PPP1R14C: variants seen among roughly 807,000 people sequenced by gnomAD.
PPP1R14C encodes protein phosphatase 1 regulatory subunit 14C.
PPP1R14C carries 16 observed loss-of-function variants against 20.4 expected under a neutral mutation model. That is an observed-to-expected ratio of 0.78 (90% CI 0.53 to 1.19). PPP1R14C has a LOEUF of 1.19. Ranked by LOEUF, PPP1R14C falls within the 50% of genes most tolerant of loss-of-function variation. PPP1R14C has a pLI of 0.00. For missense variants in PPP1R14C, 211 were observed against 220.1 expected (o/e 0.96, Z 0.26); for synonymous variants, 91 against 91.0 (o/e 1.00, Z 0.00).
chr6:150,211,515 T>C (rs1200593027), intron 1 of PPP1R14C, among the ~76,000 whole-genome samples: 3 of 152,218 alleles, frequency 2.0e-5, no homozygotes, highest in Admixed American at 6.5e-5. Context: ...TGGTGGGCCA[T>C]GGGCATGTTC....
chr6:150,200,337 C>T (rs1487292477), intron 1 of PPP1R14C, among the ~76,000 whole-genome samples: 1 of 152,070 alleles, frequency 6.6e-6, no homozygotes, highest in Non-Finnish European at 1.5e-5. Flanking sequence ...TGGCAGTAGT[C>T]TCGGCTACCC....
intron 3 of PPP1R14C, among the ~76,000 whole-genome samples, chr6:150,221,176 CT>C (rs920975343): frequency 6.6e-6 from 1 of 152,188 alleles, no homozygotes; most frequent in African/African-American, 2.4e-5. Context: ...CAATTAATAG[CT>C]TATATTTTTC....
chr6:150,215,854 C>T (rs983942756), intron 2 of PPP1R14C, among the ~76,000 whole-genome samples: 13 of 152,280 alleles, frequency 8.5e-5, no homozygotes, highest in African/African-American at 2.9e-4. Context: ...ACTTAAACCC[C>T]TTGCTTCCTG....
chr6:150,149,441 T>C (rs1010420714), intron 1 of PPP1R14C, among the ~76,000 whole-genome samples: 4 of 137,400 alleles, frequency 2.9e-5, no homozygotes, highest in African/African-American at 1.1e-4. Flanking sequence ...TCCTCCCACC[T>C]AATTTTTTTT....
At chr6:150,176,766 C>T (rs748280123) in intron 1 of PPP1R14C, among the ~76,000 whole-genome samples, 13 of 152,206 alleles carry the variant, frequency 8.5e-5, no homozygotes, top group South Asian at 4.1e-4. Flanking sequence ...AGTGTCCTGC[C>T]GTGGCTGCAG....
At chr6:150,167,538 C>CT (rs1436762730) in intron 1 of PPP1R14C, among the ~76,000 whole-genome samples, 1 of 152,106 alleles carries the variant, frequency 6.6e-6, no homozygotes, top group Non-Finnish European at 1.5e-5. Context: ...TGGTTTTCTG[C>CT]TTTTTTAGTT....
intron 1 of PPP1R14C, among the ~76,000 whole-genome samples, chr6:150,212,233 A>G (rs1322961770): frequency 6.6e-6 from 1 of 152,260 alleles, no homozygotes; most frequent in Non-Finnish European, 1.5e-5. Context: ...TGCCTCGTGT[A>G]GCTATTGAGC....
chr6:150,229,829 C>T (rs1562275299), intron 3 of PPP1R14C, among the ~76,000 whole-genome samples: 1 of 152,086 alleles, frequency 6.6e-6, no homozygotes, highest in Non-Finnish European at 1.5e-5. Context: ...AGTTCTGGTG[C>T]GCCATGCCAG....
At chr6:150,191,940 G>A (rs539615876) in intron 1 of PPP1R14C, among the ~76,000 whole-genome samples, 1 of 152,054 alleles carries the variant, frequency 6.6e-6, no homozygotes, top group African/African-American at 2.4e-5. Flanking sequence ...AAAGAAGAGG[G>A]TTCCAGGTAC....
intron 3 of PPP1R14C, among the ~76,000 whole-genome samples, chr6:150,229,772 C>T (rs1778271915): frequency 6.6e-6 from 1 of 152,072 alleles, no homozygotes; most frequent in Non-Finnish European, 1.5e-5. Flanking sequence ...AAACCCTTAC[C>T]CATAACAGAT....
intron 3 of PPP1R14C, among the ~76,000 whole-genome samples, chr6:150,237,595 C>G (rs1012761267): frequency 6.6e-6 from 1 of 152,208 alleles, no homozygotes; most frequent in Non-Finnish European, 1.5e-5. Flanking sequence ...GTATCAAGCA[C>G]TTGTACAGCA....
At chr6:150,149,272 C>T (rs1191383874) in intron 1 of PPP1R14C, among the ~76,000 whole-genome samples, 1 of 150,634 alleles carries the variant, frequency 6.6e-6, no homozygotes, top group African/African-American at 2.5e-5. Flanking sequence ...TTCCTTCACC[C>T]CTCTGAGCCT....
chr6:150,219,620 T>A (rs1778142768), intron 3 of PPP1R14C, among the ~76,000 whole-genome samples: 1 of 152,124 alleles, frequency 6.6e-6, no homozygotes, highest in Admixed American at 6.5e-5. Flanking sequence ...TTCAATCACA[T>A]CATTACCATC....
At chr6:150,228,974 G>T (rs1778261589) in intron 3 of PPP1R14C, among the ~76,000 whole-genome samples, 2 of 152,106 alleles carry the variant, frequency 1.3e-5, no homozygotes, top group Admixed American at 1.3e-4. Context: ...AAAGGGCAGT[G>T]GACCCGATTA....
rs981379842 is a variant in PPP1R14C at position 150,185,841 on chromosome 6, G to C, written c.307-28903G>C. 6.6e-6 allele frequency among the ~76,000 whole-genome samples: 1 copy of C among 152,152 alleles called. No homozygotes were observed. The highest frequency in any genetic ancestry group is 1.5e-5 in the Non-Finnish European group (1 of 68,026). ...TCACCATCACTCAGGGACCTAGGCT[G>C]CTGAGGCTCTGTGTAGACACATGTG... On this transcript the variant is annotated intron_variant, in intron 1 of 3. Transcript: ENST00000361131. This position sits in a 1 kb window ranked among gnomAD's most constrained non-coding sequence, Gnocchi z 4.1.
intron 3 of PPP1R14C, among the ~76,000 whole-genome samples, chr6:150,239,740 A>G (rs1778409181): frequency 6.6e-6 from 1 of 152,192 alleles, no homozygotes; most frequent in Non-Finnish European, 1.5e-5. Context: ...TAAAAGCAGA[A>G]ATCAGTGAAA....
At chr6:150,197,815 G>A in intron 1 of PPP1R14C, among the ~76,000 whole-genome samples, 1 of 147,082 alleles carries the variant, frequency 6.8e-6, no homozygotes, top group Admixed American at 6.7e-5. Flanking sequence ...GTGTGCCCCT[G>A]CCCTTCACGG....
chr6:150,163,318 G>T (rs144584734), intron 1 of PPP1R14C, among the ~76,000 whole-genome samples: 2,699 of 152,312 alleles, frequency 0.018, 86 homozygotes, highest in African/African-American at 0.062. Flanking sequence ...GTGAACCTGG[G>T]AGGCGGAGAT....
At chr6:150,243,392 G>C (rs1778455346) in intron 3 of PPP1R14C, among the ~76,000 whole-genome samples, 2 of 151,892 alleles carry the variant, frequency 1.3e-5, no homozygotes, top group Non-Finnish European at 2.9e-5. Context: ...TGTCCAGGCG[G>C]GTCTTGAACT....
Sources: gnomAD v4.1 joint callset for allele counts (sites outside exome capture counted in the v4.1 genomes callset) on GRCh38, gnomAD v4.1.1 for gene constraint, Gnocchi (gnomAD v3.1) non-coding constraint, MANE v1.5 for transcripts, NCBI Gene and HGNC (gene_info 2026-07-23, HGNC 2026-07-21) for gene names.